PPP4C: variants seen among roughly 807,000 people sequenced by gnomAD.
PPP4C encodes the protein serine/threonine-protein phosphatase 4 catalytic subunit.
A neutral mutation model predicts 40.5 loss-of-function variants in PPP4C; 10 were observed. The ratio of observed to expected loss-of-function variants is 0.25; its 90% CI spans 0.15 to 0.42. The LOEUF (loss-of-function observed/expected upper bound fraction) is 0.42, where lower values mean the gene tolerates loss of function less well. Among genes scored for constraint, PPP4C ranks in the 10% least tolerant of loss-of-function variants. The pLI, the probability that PPP4C is intolerant of heterozygous loss-of-function variation, is 1.00. For missense variants in PPP4C, 191 were observed against 416.4 expected, an observed-to-expected ratio of 0.46 and a Z score of 4.71; for synonymous variants, 187 against 163.6, an observed-to-expected ratio of 1.14 and a Z score of -1.09.
At chr16:30,084,629 G>A (rs754372257) in intron 7 of PPP4C, 37 bp from the exon 8 acceptor site, 1 of 1,600,072 alleles carries the variant, frequency 6.2e-7, no homozygotes, top group Non-Finnish European at 8.6e-7. Flanking sequence ...AGAGAAGCCT[G>A]AGGACATCCC....
Position 30,076,019 on chromosome 16 carries a change from G to A in PPP4C, c.-139G>A, listed in dbSNP as rs922803038. Reference sequence around the variant, plus strand: ...GCCGGAAGTAGGAGCGGCGGCGGCGGCGGCGGCGGCGGTCGAAAGCGGAGT... The same window carrying A: ...GCCGGAAGTAGGAGCGGCGGCGGCGACGGCGGCGGCGGTCGAAAGCGGAGT... On this transcript the variant is annotated 5_prime_UTR_variant, in exon 1 of 9. Coordinates refer to ENST00000279387, the MANE Select transcript of PPP4C (RefSeq NM_002720.3). 3 of 374,084 alleles carry A rather than the reference G, an allele frequency of 8.0e-6. No individual in the cohort carries two copies. Among genetic ancestry groups the A allele is most frequent in the African/African-American group, 4.4e-5 (2 of 45,310 alleles). 23.2% of individuals were successfully genotyped at this position (374,084 alleles called of 1,614,324 possible).
intron 2 of PPP4C, 56 bp downstream of exon 2, chr16:30,076,531 C>T (rs915416150): frequency 6.6e-7 from 1 of 1,523,184 alleles, no homozygotes; most frequent in Non-Finnish European, 8.9e-7. Flanking sequence ...GGGTTCTGGC[C>T]TGGGGCAAAC....
At chr16:30,082,078 AAAAG>A (rs1013399881) in intron 3 of PPP4C, among the ~76,000 whole-genome samples, 8 of 151,162 alleles carry the variant, frequency 5.3e-5, no homozygotes, top group African/African-American at 1.9e-4. Flanking sequence ...GAAAGGAAAG[AAAAG>A]AAAGGGGTTA....
Position 30,083,046 on chromosome 16 carries a change from G to T in PPP4C, c.303+199G>T. 1.7e-6 allele frequency: 1 copy of T among 603,016 alleles called. No homozygotes were observed. The highest frequency in any genetic ancestry group is 2.9e-6 in the Non-Finnish European group (1 of 342,162). The allele number at this position is 603,016 out of a possible 1,614,324, so 37.4% of individuals were successfully genotyped here. A position where few individuals can be genotyped will look rare whatever the true frequency, so the allele number is the denominator to read the frequency against. On this transcript the variant is annotated intron_variant, in intron 5 of 8. Transcript: ENST00000279387. The surrounding 1 kb of genome is among the most constrained non-coding windows in gnomAD (Gnocchi z 6.3). ...GCGGGGCAGCATTCTGGGAGGGGCAGAGGCTCACTGTTGCGAATGTGGCAG... is the reference window on the plus strand; with the variant it reads ...GCGGGGCAGCATTCTGGGAGGGGCATAGGCTCACTGTTGCGAATGTGGCAG...
intron 7 of PPP4C, 79 bp from the exon 8 acceptor site, chr16:30,084,587 C>A: frequency 2.2e-6 from 3 of 1,365,242 alleles, no homozygotes; most frequent in South Asian, 1.3e-5. Flanking sequence ...AGGGGCCAGG[C>A]TGCTCACCCT....
intron 2 of PPP4C, among the ~76,000 whole-genome samples, chr16:30,077,033 T>C (rs1166981930): frequency 1.3e-5 from 2 of 152,118 alleles, no homozygotes; most frequent in African/African-American, 4.8e-5. Context: ...AAGGTGGAGT[T>C]GGATCATTCA....
Position 30,085,067 on chromosome 16 carries a change from G to T in PPP4C, c.*5G>T. The T allele has an allele frequency of 6.2e-7, 1 of 1,606,846 alleles. No individual in the cohort carries two copies. The highest frequency in any genetic ancestry group is 8.5e-7 in the Non-Finnish European group (1 of 1,174,502). Reference sequence around the variant, plus strand: ...GTGGCCGACTACTTCCTGTGACCCCGCCCGGCCCCTGCCCCCTCCAACCCT... The same window carrying T: ...GTGGCCGACTACTTCCTGTGACCCCTCCCGGCCCCTGCCCCCTCCAACCCT... On this transcript the variant is annotated 3_prime_UTR_variant, in exon 9 of 9. Transcript: ENST00000279387.
In PPP4C at chr16:30,078,455, T is replaced by G. The variant is rs543482279; in HGVS notation, c.98+1980T>G. Among the ~76,000 whole-genome samples, 4 of 152,170 alleles carry G rather than the reference T, an allele frequency of 2.6e-5. No homozygotes were observed. The South Asian group carries it at 8.3e-4, about 32-fold the overall frequency. On this transcript the variant is annotated intron_variant, in intron 2 of 8. Coordinates refer to ENST00000279387, the MANE Select transcript of PPP4C (RefSeq NM_002720.3). ...CAGGAAGCCATGGAAGGCTGAGGGG[T>G]GGAGGGTCCTGCCCAGTTGAAACTG...
Position 30,076,437 on chromosome 16 carries a change from C to T in PPP4C, c.60C>T (p.Ile20=), listed in dbSNP as rs1435294322. Residue 20 remains isoleucine (I), a synonymous_variant, in exon 2 of 9, where the codon ATC becomes ATT. Coordinates refer to ENST00000279387, the MANE Select transcript of PPP4C (RefSeq NM_002720.3). ...QIEQLRRCEL[I]KESEVKALCA... ...AGCAGCTGCGTCGCTGCGAGCTCAT[C>T]AAGGAGAGCGAAGTCAAGGCCCTGT... The T allele has an allele frequency of 6.2e-7, 1 of 1,613,412 alleles. No individual in the cohort carries two copies. Among genetic ancestry groups the T allele is most frequent in the Non-Finnish European group, 8.5e-7 (1 of 1,179,830 alleles).
At chr16:30,081,457 G>T (rs2072505054) in intron 3 of PPP4C, 147 bp downstream of exon 3, 16 of 666,888 alleles carry the variant, frequency 2.4e-5, no homozygotes, top group Non-Finnish European at 3.5e-5. Flanking sequence ...TAAAAGAAGT[G>T]GGGGTTGCTG....
chr16:30,084,973 C>G lies in PPP4C; in HGVS notation c.835C>G (p.Leu279Val), dbSNP rs1447271129. Residue 279 changes from leucine to valine, a missense_variant, in exon 9 of 9, where the codon CTC becomes GTC. Leu to Val is a conservative substitution (Grantham distance 32). Coordinates refer to ENST00000279387, the MANE Select transcript of PPP4C (RefSeq NM_002720.3). ...VAAILELDEH[L>V]QKDFIIFEAA... ...AGCCATCTTGGAGCTGGACGAGCAT[C>G]TCCAGAAAGATTTCATCATCTTTGA... The G allele has an allele frequency of 6.2e-7, 1 of 1,614,182 alleles. No homozygotes were observed. Among genetic ancestry groups the G allele is most frequent in the Admixed American group, 1.7e-5 (1 of 60,030 alleles).
chr16:30,081,884 C>T (rs984325828), intron 3 of PPP4C, among the ~76,000 whole-genome samples: 2 of 151,936 alleles, frequency 1.3e-5, no homozygotes, highest in African/African-American at 4.8e-5. Flanking sequence ...GAAACCCCAT[C>T]TCTACTAAAA....
intron 7 of PPP4C, 114 bp from the exon 8 acceptor site, chr16:30,084,552 C>G: frequency 1.1e-6 from 1 of 930,192 alleles, no homozygotes; most frequent in East Asian, 2.4e-5. Context: ...TGCTCTGGTC[C>G]CACGGGCCTC....
chr16:30,077,714 A>G (rs192864887), intron 2 of PPP4C, among the ~76,000 whole-genome samples: 4 of 152,332 alleles, frequency 2.6e-5, no homozygotes, highest in Admixed American at 2.6e-4. Context: ...CTGGCAAAAA[A>G]CTTCTATCCA....
At chr16:30,077,546 C>T (rs369924210) in intron 2 of PPP4C, among the ~76,000 whole-genome samples, 3 of 152,314 alleles carry the variant, frequency 2.0e-5, no homozygotes, top group African/African-American at 7.2e-5. Flanking sequence ...GCGTGGGGAA[C>T]AGTCAGGGGT....
chr16:30,085,258 T>C lies in PPP4C; in HGVS notation c.*196T>C, dbSNP rs2072600790. ...CATGTTCCTCCTCCTCTCTCCCCAC[T>C]TGAACCATGAAGTTTCCAATAATTT... On this transcript the variant is annotated 3_prime_UTR_variant, in exon 9 of 9. Coordinates refer to ENST00000279387, the MANE Select transcript of PPP4C (RefSeq NM_002720.3). 1 of 460,792 alleles carries C rather than the reference T, an allele frequency of 2.2e-6. No individual in the cohort carries two copies. Among genetic ancestry groups the C allele is most frequent in the South Asian group, 6.2e-5 (1 of 16,016 alleles). The allele number at this position is 460,792 out of a possible 1,614,324, so 28.5% of individuals were successfully genotyped here. A position where few individuals can be genotyped will look rare whatever the true frequency, so the allele number is the denominator to read the frequency against.
At chr16:30,081,517 G>A (rs1260027291) in intron 3 of PPP4C, 3 of 472,386 alleles carry the variant, frequency 6.4e-6, no homozygotes, top group African/African-American at 1.9e-5. Flanking sequence ...GGGCAAGGTG[G>A]GCACATCACT....
chr16:30,084,460 C>T (rs150868645), intron 7 of PPP4C, among the ~76,000 whole-genome samples: 8 of 152,340 alleles, frequency 5.3e-5, no homozygotes, highest in African/African-American at 1.9e-4. Context: ...AGGCATTGGG[C>T]GTTCTTTCTC....
chr16:30,085,336 GAAA>G lies in PPP4C; in HGVS notation c.*280_*282del, dbSNP rs1323209866. 1 of 322,604 alleles carries G rather than the reference GAAA, an allele frequency of 3.1e-6. No homozygotes were observed. Among genetic ancestry groups the G allele is most frequent in the Non-Finnish European group, 5.6e-6 (1 of 177,916 alleles). 20.0% of individuals were successfully genotyped at this position (322,604 alleles called of 1,614,324 possible). ...GTTTGTTTTTAGATAAAAATTTTGA[GAAA>G]AAAAATGAAAAAATTCTAATAAAAG... On this transcript the variant is annotated 3_prime_UTR_variant, in exon 9 of 9. Transcript: ENST00000279387.
Sources: allele counts gnomAD v4.1 joint callset (sites outside exome capture counted in the v4.1 genomes callset), GRCh38; gene constraint gnomAD v4.1.1; non-coding constraint Gnocchi (gnomAD v3.1); transcripts MANE v1.5; gene names NCBI Gene and HGNC (gene_info 2026-07-23, HGNC 2026-07-21).